EPHA6: variants seen among roughly 807,000 people sequenced by gnomAD.
The protein encoded by EPHA6 is ephrin type-A receptor 6.
A neutral mutation model predicts 112.0 loss-of-function variants in EPHA6; 50 were observed. That is an observed-to-expected ratio of 0.45 (90% confidence interval 0.36 to 0.56). The LOEUF (loss-of-function observed/expected upper bound fraction) is 0.56. Among genes scored for constraint, EPHA6 ranks in the 20% least tolerant of loss-of-function variants. The pLI is 0.00. For missense variants in EPHA6, 1,280 were observed against 1,417.4 expected, an observed-to-expected ratio of 0.90 and a Z score of 1.56; for synonymous variants, 529 against 490.7, an observed-to-expected ratio of 1.08 and a Z score of -1.03.
At chr3:97,697,695 G>C (rs139592967) in intron 14 of EPHA6, among the ~76,000 whole-genome samples, 53 of 152,296 alleles carry the variant, frequency 3.5e-4, no homozygotes, top group African/African-American at 9.6e-4. Context: ...TTGGAGGTGT[G>C]TTATCAATTT....
intron 3 of EPHA6, among the ~76,000 whole-genome samples, chr3:97,094,490 G>A (rs1576476498): frequency 6.6e-6 from 1 of 152,168 alleles, no homozygotes; most frequent in African/African-American, 2.4e-5. Flanking sequence ...AGTTGTCATC[G>A]TCTCTTAAAG....
intron 5 of EPHA6, among the ~76,000 whole-genome samples, chr3:97,400,368 T>C (rs574516810): frequency 6.6e-6 from 1 of 151,670 alleles, no homozygotes; most frequent in South Asian, 2.1e-4. Context: ...TTGTAATATA[T>C]TTTGAAGTCA....
intron 5 of EPHA6, among the ~76,000 whole-genome samples, chr3:97,369,024 C>T (rs1011750751): frequency 6.6e-6 from 1 of 152,054 alleles, no homozygotes; most frequent in Admixed American, 6.6e-5. Flanking sequence ...AATAAACCGG[C>T]CATATGAACA....
intron 13 of EPHA6, chr3:97,612,615 T>A (rs1230427622): frequency 9.5e-6 from 2 of 210,110 alleles, no homozygotes; most frequent in Non-Finnish European, 2.0e-5. Flanking sequence ...TTAGAAGTAG[T>A]GTATTTTATG....
At chr3:97,610,681 T>C (rs1209982744) in intron 12 of EPHA6, 112 bp from the exon 13 acceptor site, 5 of 802,586 alleles carry the variant, frequency 6.2e-6, no homozygotes, top group African/African-American at 1.8e-5. Context: ...GAAAATGAAA[T>C]TCCTATTAAT....
intron 5 of EPHA6, among the ~76,000 whole-genome samples, chr3:97,316,657 C>A (rs965084788): frequency 5.9e-5 from 9 of 151,890 alleles, no homozygotes; most frequent in Non-Finnish European, 1.2e-4. Context: ...TCTTTACTTA[C>A]ATCAGAACTA....
At chr3:97,667,873 G>GT (rs1252885712) in intron 14 of EPHA6, among the ~76,000 whole-genome samples, 6 of 152,142 alleles carry the variant, frequency 3.9e-5, no homozygotes, top group African/African-American at 1.4e-4. Context: ...AGCTATTTCT[G>GT]TTCAAGTCTG....
intron 13 of EPHA6, among the ~76,000 whole-genome samples, chr3:97,629,946 T>C (rs1477997069): frequency 1.3e-5 from 2 of 152,062 alleles, no homozygotes; most frequent in Non-Finnish European, 2.9e-5. Context: ...ACACAGTAAC[T>C]AGTATATATT....
intron 5 of EPHA6, among the ~76,000 whole-genome samples, chr3:97,288,827 C>T (rs571280953): frequency 6.6e-6 from 1 of 151,356 alleles, no homozygotes; most frequent in Non-Finnish European, 1.5e-5. Flanking sequence ...CTGATGATTA[C>T]TGATGTTGAG....
chr3:97,567,491 T>C (rs951142542), intron 11 of EPHA6, among the ~76,000 whole-genome samples: 4 of 152,208 alleles, frequency 2.6e-5, no homozygotes, highest in Non-Finnish European at 4.4e-5. Context: ...GCCACTGTTA[T>C]GGATTTAATT....
chr3:97,470,659 G>A (rs977416845), intron 7 of EPHA6, among the ~76,000 whole-genome samples: 1 of 144,820 alleles, frequency 6.9e-6, no homozygotes, highest in Non-Finnish European at 1.5e-5. Context: ...TCCAAGTAAA[G>A]CATTTCACTT....
Position 97,243,937 on chromosome 3 carries a change from A to G in EPHA6, c.1271-15A>G. 1 of 1,568,582 alleles carries G rather than the reference A, an allele frequency of 6.4e-7. No homozygotes were observed. Among genetic ancestry groups the G allele is most frequent in the Non-Finnish European group, 8.7e-7 (1 of 1,155,020 alleles). ...CCTATATATGTACATTTGTTTTTTA[A>G]TTGCTTTTCTCTAGGGCCACCTTCA... On this transcript the variant is annotated splice_polypyrimidine_tract_variant and intron_variant, in intron 4 of 17. Coordinates refer to ENST00000389672, the MANE Select transcript of EPHA6 (RefSeq NM_001080448.3).
chr3:96,873,398 G>C (rs2036755656), intron 2 of EPHA6, among the ~76,000 whole-genome samples: 1 of 152,074 alleles, frequency 6.6e-6, no homozygotes, highest in African/African-American at 2.4e-5. Flanking sequence ...TTACAATGGA[G>C]AAGCTAATTC....
chr3:97,139,910 C>A (rs985590622), intron 3 of EPHA6, among the ~76,000 whole-genome samples: 1 of 151,262 alleles, frequency 6.6e-6, no homozygotes, highest in Non-Finnish European at 1.5e-5. Context: ...AAAACCAACA[C>A]AAAGAAATAA....
intron 3 of EPHA6, among the ~76,000 whole-genome samples, chr3:97,125,485 C>T (rs925453880): frequency 6.6e-6 from 1 of 152,020 alleles, no homozygotes; most frequent in African/African-American, 2.4e-5. Context: ...TTTTGGATTT[C>T]TTTTTCCCTT....
At chr3:97,402,776 G>A (rs186119852) in intron 5 of EPHA6, among the ~76,000 whole-genome samples, 1 of 152,204 alleles carries the variant, frequency 6.6e-6, no homozygotes, top group Admixed American at 6.5e-5. Context: ...CCATTGAACA[G>A]CCAGAAAGAG....
chr3:97,571,592 C>G (rs2093333427), intron 11 of EPHA6, among the ~76,000 whole-genome samples: 1 of 152,108 alleles, frequency 6.6e-6, no homozygotes, highest in Non-Finnish European at 1.5e-5. Flanking sequence ...TTGTCACCTT[C>G]AAAGGACAAA....
At chr3:97,628,734 T>A (rs1352779690) in intron 13 of EPHA6, among the ~76,000 whole-genome samples, 1 of 152,004 alleles carries the variant, frequency 6.6e-6, no homozygotes, top group African/African-American at 2.4e-5. Flanking sequence ...AAATTATAAA[T>A]CTAGTAAAGA....
In EPHA6 at chr3:97,353,800, G is replaced by A. The variant is rs547956048; in HGVS notation, c.1607-51350G>A. Among the ~76,000 whole-genome samples the A allele has an allele frequency of 4.6e-5, 7 of 152,248 alleles. No homozygotes were observed. In the South Asian group the frequency reaches 1.2e-3, roughly 27 times the overall value. Reference sequence around the variant, plus strand: ...GAGCATTAGTGTCAGCCAGGCAATGGCACCTGCAGACCTTGGGCAAGACCC... The same window carrying A: ...GAGCATTAGTGTCAGCCAGGCAATGACACCTGCAGACCTTGGGCAAGACCC... On this transcript the variant is annotated intron_variant, in intron 5 of 17. Transcript: ENST00000389672.
Sources: allele counts gnomAD v4.1 joint callset (sites outside exome capture counted in the v4.1 genomes callset), GRCh38; gene constraint gnomAD v4.1.1; transcripts MANE v1.5; gene names NCBI Gene and HGNC (gene_info 2026-07-23, HGNC 2026-07-21).